The following GRK4 variants were observed in gnomAD, a reference collection of about 807,000 sequenced individuals.
GRK4 encodes G protein-coupled receptor kinase 2-like.
A neutral mutation model predicts 77.9 loss-of-function variants in GRK4; 73 were observed. The observed-to-expected ratio is 0.94, with a 90% CI of 0.78 to 1.14. The LOEUF is 1.14. Among genes scored for constraint, GRK4 ranks in the 50% most tolerant of loss-of-function variants. The pLI is 0.00. For synonymous variants in GRK4, 257 were observed against 254.4 expected, an observed-to-expected ratio of 1.01 and a Z score of -0.10; for missense variants, 729 against 700.2, an observed-to-expected ratio of 1.04 and a Z score of -0.46.
rs981163406 is a variant in GRK4 at position 2,970,430 on chromosome 4, C to T, written c.52+6308C>T. On this transcript the variant is annotated intron_variant, in intron 1 of 15. Transcript: ENST00000398052. ...ATCCCAGCACTTTGGGAGGCCAAGG[C>T]GGGCGGATCACGAGGTCCAGGTATC... Among the ~76,000 whole-genome samples, 4 of 152,124 alleles carry T rather than the reference C, an allele frequency of 2.6e-5. No individual in the cohort carries two copies. The South Asian group carries it at 6.2e-4, about 24-fold the overall frequency.
chr4:3,037,486 G>A lies in GRK4; in HGVS notation c.1520G>A (p.Cys507Tyr). Reference sequence around the variant, plus strand: ...TTCTATGCTCGGTTTGCTACCGGGTGTGTCTCCATCCCCTGGCAGAATGAG... The same window carrying A: ...TTCTATGCTCGGTTTGCTACCGGGTATGTCTCCATCCCCTGGCAGAATGAG... Reference protein sequence around the residue: ...EDFYARFATGCVSIPWQNEMI... With the variant: ...EDFYARFATGYVSIPWQNEMI... The change falls in exon 14 of 16, where the codon TGT (cysteine) becomes TAT (tyrosine). Residue 507 changes from cysteine to tyrosine, a missense_variant. By Grantham distance (194) the Cys-to-Tyr change is radical (BLOSUM62 -2). Transcript: ENST00000398052. 1.9e-6 allele frequency: 3 copies of A among 1,608,700 alleles called. No homozygotes were observed. The highest frequency in any genetic ancestry group is 2.6e-6 in the Non-Finnish European group (3 of 1,175,474).
intron 5 of GRK4, among the ~76,000 whole-genome samples, chr4:3,005,268 G>A (rs960085741): frequency 6.6e-6 from 1 of 151,856 alleles, no homozygotes; most frequent in Non-Finnish European, 1.5e-5. Flanking sequence ...GAGGCCCAGG[G>A]AGCCATGAGA....
At chr4:2,971,072 CAAAA>C (rs1719421732) in intron 1 of GRK4, 1 of 152,064 alleles carries the variant, frequency 6.6e-6, no homozygotes, top group African/African-American at 2.4e-5. Context: ...TAAAGCTCCT[CAAAA>C]AACTCTAGAA....
chr4:2,993,445 G>T (rs951433215), intron 4 of GRK4, among the ~76,000 whole-genome samples: 1 of 152,108 alleles, frequency 6.6e-6, no homozygotes, highest in African/African-American at 2.4e-5. Flanking sequence ...AGGCTGAGGC[G>T]GGTAGATCAC....
chr4:3,028,281 C>G (rs551686666), intron 11 of GRK4, among the ~76,000 whole-genome samples: 57 of 152,308 alleles, frequency 3.7e-4, no homozygotes, highest in Non-Finnish European at 6.8e-4. Context: ...CACCGCAGGT[C>G]TCCTCACTCT....
At chr4:3,014,079 TC>T (rs1220364215) in intron 8 of GRK4, among the ~76,000 whole-genome samples, 3 of 152,028 alleles carry the variant, frequency 2.0e-5, no homozygotes, top group African/African-American at 4.8e-5. Flanking sequence ...AAATCTGTAG[TC>T]CCCCGCCTCC....
At chr4:2,983,936 A>G (rs1283819708) in intron 1 of GRK4, among the ~76,000 whole-genome samples, 2 of 152,134 alleles carry the variant, frequency 1.3e-5, no homozygotes, top group Non-Finnish European at 2.9e-5. Context: ...GGAAACTGCC[A>G]CTTTTAAAAC....
At chr4:3,006,150 T>TG (rs2109843583) in intron 5 of GRK4, among the ~76,000 whole-genome samples, 1 of 151,766 alleles carries the variant, frequency 6.6e-6, no homozygotes, top group South Asian at 2.1e-4. Context: ...GAGGCCGACG[T>TG]GGGTGGATCA....
chr4:3,040,071 G>T (rs780752653), intron 15 of GRK4, among the ~76,000 whole-genome samples: 16 of 152,176 alleles, frequency 1.1e-4, no homozygotes, highest in Non-Finnish European at 2.4e-4. Flanking sequence ...CATTTCCTAT[G>T]TATGTGAGCT....
chr4:2,980,098 ATC>A (rs1722438382), intron 1 of GRK4, among the ~76,000 whole-genome samples: 1 of 152,242 alleles, frequency 6.6e-6, no homozygotes, highest in Non-Finnish European at 1.5e-5. Context: ...GAGTGCTTTC[ATC>A]CTGTTAGGAC....
intron 7 of GRK4, among the ~76,000 whole-genome samples, chr4:3,013,075 A>G (rs560753682): frequency 2.6e-5 from 4 of 151,408 alleles, no homozygotes; most frequent in Admixed American, 2.6e-4. Flanking sequence ...ACGGAGTCTC[A>G]CTCTGTCGCC....
At position 2,964,372 on chromosome 4, in the gene GRK4, C is replaced by T. The variant is rs76484385; in HGVS notation, c.52+250C>T. Among the ~76,000 whole-genome samples, 594 of 152,280 alleles carry T rather than the reference C, an allele frequency of 3.9e-3. 22 individuals carry two copies. The highest frequency in any genetic ancestry group is 0.034 in the Admixed American group (525 of 15,300). On this transcript the variant is annotated intron_variant, in intron 1 of 15. Coordinates refer to ENST00000398052, the MANE Select transcript of GRK4 (RefSeq NM_182982.3). Reference sequence around the variant, plus strand: ...AGATGAGAGAAGTCTGCGCTTTGCTCTTCTTAGTCTTGCCCTGTGTCCTTG... The same window carrying T: ...AGATGAGAGAAGTCTGCGCTTTGCTTTTCTTAGTCTTGCCCTGTGTCCTTG...
intron 5 of GRK4, among the ~76,000 whole-genome samples, chr4:3,004,847 C>T (rs1730840431): frequency 6.6e-6 from 1 of 151,858 alleles, no homozygotes; most frequent in Non-Finnish European, 1.5e-5. Flanking sequence ...ATAAGTGGCT[C>T]CTGGCGTCTC....
intron 7 of GRK4, among the ~76,000 whole-genome samples, chr4:3,011,432 T>C (rs1054529984): frequency 8.5e-5 from 13 of 152,284 alleles, no homozygotes; most frequent in African/African-American, 3.1e-4. Context: ...ATATTTAATA[T>C]AAATAAATAC....
At chr4:2,996,713 G>A (rs1216846318) in intron 4 of GRK4, among the ~76,000 whole-genome samples, 2 of 151,618 alleles carry the variant, frequency 1.3e-5, no homozygotes, top group African/African-American at 4.9e-5. Flanking sequence ...GATGTAGCTG[G>A]AAAGCTTTTT....
intron 4 of GRK4, among the ~76,000 whole-genome samples, chr4:3,001,642 C>A (rs910240438): frequency 6.6e-6 from 1 of 152,170 alleles, no homozygotes; most frequent in Non-Finnish European, 1.5e-5. Flanking sequence ...AGTGGGATTA[C>A]AGGCGTGAGC....
At chr4:2,976,398 A>T (rs1560356370) in intron 1 of GRK4, among the ~76,000 whole-genome samples, 1 of 149,408 alleles carries the variant, frequency 6.7e-6, no homozygotes, top group Non-Finnish European at 1.5e-5. Flanking sequence ...TGCCTGAGTA[A>T]TTTTTTTTTT....
In GRK4 at chr4:3,036,221, C is replaced by CA. The variant is rs1740599766; in HGVS notation, c.1407+699dup. 2.0e-5 allele frequency among the ~76,000 whole-genome samples: 3 copies of CA among 152,244 alleles called. No individual in the cohort carries two copies. The South Asian group carries it at 6.2e-4, about 31-fold the overall frequency. On this transcript the variant is annotated intron_variant, in intron 13 of 15. Transcript: ENST00000398052. ...TTCCTTTGTCTGGAACGCGTGTCCC[C>CA]ACTCTGCTTCTCATGAGGTCCTGGG...
At chr4:3,034,947 T>G (rs928249047) in intron 12 of GRK4, among the ~76,000 whole-genome samples, 2 of 152,180 alleles carry the variant, frequency 1.3e-5, no homozygotes, top group Non-Finnish European at 2.9e-5. Context: ...TGAGGTCTGC[T>G]TGATGCTTGG....
Sources: allele counts gnomAD v4.1 joint callset (sites outside exome capture counted in the v4.1 genomes callset), GRCh38; gene constraint gnomAD v4.1.1; transcripts MANE v1.5; gene names NCBI Gene and HGNC (gene_info 2026-07-23, HGNC 2026-07-21).